The following INTS9 variants were observed in gnomAD, a reference collection of about 807,000 sequenced individuals.
INTS9 encodes the protein integrator complex subunit 9.
INTS9 carries 55 observed loss-of-function variants against 79.7 expected under a neutral mutation model. That is an observed-to-expected ratio of 0.69 (90% CI 0.56 to 0.86). The LOEUF (loss-of-function observed/expected upper bound fraction) is 0.86, where lower values mean the gene tolerates loss of function less well. Among genes scored for constraint, INTS9 ranks in the 40% least tolerant of loss-of-function variants. INTS9 has a pLI of 0.00. For missense variants in INTS9, 721 were observed against 831.5 expected (o/e 0.87, Z 1.64); for synonymous variants, 319 against 325.2 (o/e 0.98, Z 0.20).
At chr8:28,778,055 T>A (rs1803001323) in intron 12 of INTS9, 102 bp from the exon 13 acceptor site, 4 of 1,310,334 alleles carry the variant, frequency 3.1e-6, no homozygotes, top group Non-Finnish European at 4.1e-6. Context: ...AGTCAGGGGG[T>A]CAGGAGGGAG....
chr8:28,797,212 T>A (rs749974824), intron 8 of INTS9, among the ~76,000 whole-genome samples: 1 of 152,180 alleles, frequency 6.6e-6, no homozygotes, highest in African/African-American at 2.4e-5. Flanking sequence ...TTGAGAAGCA[T>A]ACGTTATAGA....
intron 2 of INTS9, among the ~76,000 whole-genome samples, chr8:28,850,903 C>A (rs1807793671): frequency 6.6e-6 from 1 of 152,114 alleles, no homozygotes; most frequent in African/African-American, 2.4e-5. Flanking sequence ...CAGATGAGGT[C>A]AATTTCATGT....
intron 1 of INTS9, among the ~76,000 whole-genome samples, chr8:28,865,921 C>T (rs1473658580): frequency 6.6e-6 from 1 of 152,000 alleles, no homozygotes; most frequent in East Asian, 1.9e-4. Flanking sequence ...CATTTTACTC[C>T]CCCCTCCCTG....
Position 28,846,758 on chromosome 8 carries a change from A to G in INTS9, c.250T>C (p.Cys84Arg). Residue 84 changes from cysteine (C) to arginine (R), a missense_variant, in exon 4 of 17, where the codon TGT (cysteine) becomes CGT (arginine). Cys to Arg is a radical substitution (Grantham distance 180). Transcript: ENST00000521022. ...HVFVDSVPEFCLPETELIDLS... is the reference protein window; with the variant it reads ...HVFVDSVPEFRLPETELIDLS... ...CACCTTAATCTTACCTCTGGTAAAC[A>G]GAATTCCGGCACAGAATCCACAAAT... The G allele has an allele frequency of 1.2e-6, 2 of 1,612,956 alleles. 1 individual carries two copies. Among genetic ancestry groups the G allele is most frequent in the South Asian group, 2.2e-5 (2 of 91,052 alleles).
chr8:28,814,584 A>G (rs924992292), intron 6 of INTS9, among the ~76,000 whole-genome samples: 6 of 152,150 alleles, frequency 3.9e-5, no homozygotes, highest in African/African-American at 1.4e-4. Context: ...AACCTTCCAG[A>G]TCTCCTCATT....
intron 8 of INTS9, among the ~76,000 whole-genome samples, chr8:28,806,312 GA>G (rs1423566534): frequency 6.6e-6 from 1 of 151,956 alleles, no homozygotes; most frequent in Admixed American, 6.6e-5. Context: ...TTTTTATAGA[GA>G]AAAAAAGAAA....
intron 1 of INTS9, among the ~76,000 whole-genome samples, chr8:28,888,100 C>T (rs1293339485): frequency 5.3e-5 from 8 of 152,166 alleles, no homozygotes. Context: ...CTCTTATGCT[C>T]CTATAAGCTG....
intron 1 of INTS9, among the ~76,000 whole-genome samples, chr8:28,863,525 C>A (rs1358926621): frequency 1.3e-5 from 2 of 152,170 alleles, no homozygotes; most frequent in Non-Finnish European, 2.9e-5. Context: ...CCTGTAATCC[C>A]AGCACTTTGG....
chr8:28,878,586 T>C (rs372724206), intron 1 of INTS9, among the ~76,000 whole-genome samples: 2 of 149,808 alleles, frequency 1.3e-5, no homozygotes, highest in South Asian at 2.1e-4. Flanking sequence ...CCTCCCAAAG[T>C]GCTGGGATTA....
intron 12 of INTS9, among the ~76,000 whole-genome samples, chr8:28,779,952 C>T (rs1351097521): frequency 2.0e-5 from 3 of 152,078 alleles, no homozygotes; most frequent in Non-Finnish European, 4.4e-5. Context: ...CAGAGTGACC[C>T]ACAGAGGTAG....
In INTS9 at chr8:28,770,994, C is replaced by T. The variant is rs1169773608; in HGVS notation, c.1650G>A (p.Lys550=). ...CAGCACCCCCTACCTGAAGCAAGTGCTTGTTATCTTTGGTGTGCAGCACGG... is the reference window on the plus strand; with the variant it reads ...CAGCACCCCCTACCTGAAGCAAGTGTTTGTTATCTTTGGTGTGCAGCACGG... ...VSAVLHTKDN[K]HLLQPPPRPA... Residue 550 remains lysine (K), a synonymous_variant, in exon 15 of 17, where the codon AAG becomes AAA. Transcript: ENST00000521022. 21 of 1,613,192 alleles carry T rather than the reference C, an allele frequency of 1.3e-5. No homozygotes were observed. Among genetic ancestry groups the T allele is most frequent in the Non-Finnish European group, 1.7e-5 (20 of 1,179,774 alleles).
intron 8 of INTS9, among the ~76,000 whole-genome samples, chr8:28,799,805 AC>A (rs1300228444): frequency 6.6e-6 from 1 of 152,168 alleles, no homozygotes; most frequent in African/African-American, 2.4e-5. Flanking sequence ...CAAGCCGGGG[AC>A]CCCTAGCCAG....
chr8:28,882,217 G>T (rs564851859), intron 1 of INTS9, among the ~76,000 whole-genome samples: 1 of 134,816 alleles, frequency 7.4e-6, no homozygotes, highest in African/African-American at 2.7e-5. Flanking sequence ...GATTAAGGGC[G>T]GTGCAAGATG....
At chr8:28,801,672 C>T (rs541484614) in intron 8 of INTS9, among the ~76,000 whole-genome samples, 237 of 152,230 alleles carry the variant, frequency 1.6e-3, no homozygotes, top group East Asian at 5.4e-3. Flanking sequence ...AGTGCAATGG[C>T]GTGATCTCAG....
chr8:28,867,716 T>C (rs1322635084), intron 1 of INTS9, among the ~76,000 whole-genome samples: 1 of 150,378 alleles, frequency 6.6e-6, no homozygotes, highest in East Asian at 1.9e-4. Context: ...GGGTAACAAG[T>C]CTGTTTTTTT....
intron 1 of INTS9, among the ~76,000 whole-genome samples, chr8:28,885,789 C>T (rs1220804722): frequency 1.3e-5 from 2 of 152,166 alleles, no homozygotes; most frequent in Non-Finnish European, 2.9e-5. Flanking sequence ...TGGCCATCAG[C>T]GTACTCAGTT....
chr8:28,863,163 A>G (rs962549898), intron 1 of INTS9, among the ~76,000 whole-genome samples: 5 of 152,130 alleles, frequency 3.3e-5, no homozygotes, highest in Non-Finnish European at 2.9e-5. Context: ...TGTATCCCCT[A>G]AGACTAGGTG....
chr8:28,862,092 A>G, intron 1 of INTS9: 2 of 985,416 alleles, frequency 2.0e-6, no homozygotes, highest in South Asian at 4.7e-5. Flanking sequence ...AGGTTCACAC[A>G]CTTGTACAGG....
At chr8:28,817,418 TC>T (rs1805554343) in intron 6 of INTS9, among the ~76,000 whole-genome samples, 1 of 152,018 alleles carries the variant, frequency 6.6e-6, no homozygotes, top group Non-Finnish European at 1.5e-5. Context: ...GGGAATCCTT[TC>T]CCCATTGCTT....
Sources: gnomAD v4.1 joint callset for allele counts (sites outside exome capture counted in the v4.1 genomes callset) on GRCh38, gnomAD v4.1.1 for gene constraint, MANE v1.5 for transcripts, NCBI Gene and HGNC (gene_info 2026-07-23, HGNC 2026-07-21) for gene names.